Variants in SLC19A3 observed in about 807,000 individuals in gnomAD.
The protein encoded by SLC19A3 is thiamine transporter 2.
SLC19A3 carries 31 observed loss-of-function variants against 40.2 expected under a neutral mutation model. The observed-to-expected ratio is 0.77, with a 90% CI of 0.58 to 1.04. The LOEUF (loss-of-function observed/expected upper bound fraction) is 1.04. Ranked by LOEUF, SLC19A3 falls within the 50% of genes least tolerant of loss-of-function variation. SLC19A3 has a pLI of 0.00. For synonymous variants in SLC19A3, 212 were observed against 227.5 expected (o/e 0.93, Z 0.61); for missense variants, 592 against 596.7 (o/e 0.99, Z 0.08).
intron 1 of SLC19A3, among the ~76,000 whole-genome samples, chr2:227,710,318 A>G (rs1443847162): frequency 6.6e-6 from 1 of 152,198 alleles, no homozygotes; most frequent in African/African-American, 2.4e-5. Flanking sequence ...ATAGGCTAGA[A>G]CTTTACTGCA....
At chr2:227,698,670 G>A (rs1695538119) in intron 3 of SLC19A3, 66 bp downstream of exon 3, 4 of 1,384,572 alleles carry the variant, frequency 2.9e-6, no homozygotes, top group South Asian at 1.2e-5. Flanking sequence ...CATGAAGTTC[G>A]GTACCTGGAG....
At chr2:227,711,419 C>CAAAAAA (rs140919791) in intron 1 of SLC19A3, among the ~76,000 whole-genome samples, 7 of 97,506 alleles carry the variant, frequency 7.2e-5, no homozygotes, top group Admixed American at 3.3e-4. Flanking sequence ...GACTCTGTCT[C>CAAAAAA]AAAAAAATAA....
At position 227,703,843 on chromosome 2, in the gene SLC19A3, T is replaced by C. The variant is rs986864523; in HGVS notation, c.-2-1523A>G. Among the ~76,000 whole-genome samples, 1 of 152,210 alleles carries C rather than the reference T, an allele frequency of 6.6e-6. No individual in the cohort carries two copies. Among genetic ancestry groups the C allele is most frequent in the Non-Finnish European group, 1.5e-5 (1 of 68,044 alleles). On this transcript the variant is annotated intron_variant, in intron 1 of 5. Coordinates refer to ENST00000644224, the MANE Select transcript of SLC19A3 (RefSeq NM_025243.4). The surrounding 1 kb of genome is among the most constrained non-coding windows in gnomAD (Gnocchi z 4.7). ...TTTGTTCTCTAAATCCAGGTCATCA[T>C]CTTCTCTGTGCATCTGAGACCTAGG...
At chr2:227,697,698 A>T (rs1695490882) in intron 3 of SLC19A3, among the ~76,000 whole-genome samples, 2 of 152,342 alleles carry the variant, frequency 1.3e-5, no homozygotes, top group Middle Eastern at 3.4e-3. Context: ...AGGGCATGTT[A>T]TTAACCTTTG....
At chr2:227,707,099 T>TGTC (rs1026779267) in intron 1 of SLC19A3, among the ~76,000 whole-genome samples, 11 of 152,286 alleles carry the variant, frequency 7.2e-5, no homozygotes, top group African/African-American at 2.2e-4. Flanking sequence ...AGAGTGCACT[T>TGTC]GTCCCCTGAC....
intron 2 of SLC19A3, 22 bp downstream of exon 2, chr2:227,702,147 A>G (rs777385177): frequency 2.5e-6 from 4 of 1,599,724 alleles, no homozygotes; most frequent in Non-Finnish European, 1.7e-6. Context: ...CCACATTAAG[A>G]TATGTATGTA....
At position 227,687,333 on chromosome 2, in the gene SLC19A3, T is replaced by C. The variant is rs1044966154; in HGVS notation, c.*64A>G. ...GTTATGGCAAAACATATGCCACCCA[T>C]CTCAAAATCTTTCCTTATTATTGCA... On this transcript the variant is annotated 3_prime_UTR_variant, in exon 6 of 6. Coordinates refer to ENST00000644224, the MANE Select transcript of SLC19A3 (RefSeq NM_025243.4). 5 of 1,491,980 alleles carry C rather than the reference T, an allele frequency of 3.4e-6. No individual in the cohort carries two copies. In the East Asian group the frequency reaches 9.1e-5, roughly 27 times the overall value. The allele number at this position is 1,491,980 out of a possible 1,614,324, so 92.4% of individuals were successfully genotyped here.
At position 227,685,553 on chromosome 2, in the gene SLC19A3, C is replaced by G. The variant is rs1305339424; in HGVS notation, c.*1844G>C. ...GTGAGATTTGGTGGGGACACAGATC[C>G]AAACCATATCAAAATCCAATTAAAA... On this transcript the variant is annotated 3_prime_UTR_variant, in exon 6 of 6. Coordinates refer to ENST00000644224, the MANE Select transcript of SLC19A3 (RefSeq NM_025243.4). 1 of 152,180 alleles carries G rather than the reference C, an allele frequency of 6.6e-6. No homozygotes were observed. The highest frequency in any genetic ancestry group is 6.5e-5 in the Admixed American group (1 of 15,270). The allele number at this position is 152,180 out of a possible 1,614,324, so 9.4% of individuals were successfully genotyped here.
intron 5 of SLC19A3, 129 bp downstream of exon 5, chr2:227,688,037 A>T: frequency 9.9e-7 from 1 of 1,013,760 alleles, no homozygotes; most frequent in African/African-American, 1.6e-5. Flanking sequence ...GTGTTATAAT[A>T]TGATAATGAA....
intron 1 of SLC19A3, among the ~76,000 whole-genome samples, chr2:227,713,981 G>A (rs148489811): frequency 4.1e-4 from 62 of 152,250 alleles, no homozygotes; most frequent in African/African-American, 1.5e-3. Flanking sequence ...TCTTGGAGGT[G>A]GGGGTGGGTA....
intron 1 of SLC19A3, among the ~76,000 whole-genome samples, chr2:227,712,212 T>C (rs1696167744): frequency 6.6e-6 from 1 of 152,034 alleles, no homozygotes; most frequent in Non-Finnish European, 1.5e-5. Flanking sequence ...AAGACCAGCC[T>C]GGACAACACC....
intron 1 of SLC19A3, among the ~76,000 whole-genome samples, chr2:227,704,747 C>T (rs1352191573): frequency 6.6e-6 from 1 of 152,086 alleles, no homozygotes; most frequent in Non-Finnish European, 1.5e-5. Context: ...GTGATCACAC[C>T]ACTGCACTCC....
At chr2:227,706,628 G>A (rs7559871) in intron 1 of SLC19A3, 37,883 of 255,328 alleles carry the variant, frequency 0.15, 3,600 homozygotes, top group African/African-American at 0.29. Context: ...AAAATTAGTC[G>A]GTTGCGGTGG....
intron 2 of SLC19A3, among the ~76,000 whole-genome samples, chr2:227,700,220 A>G (rs1206662190): frequency 6.6e-6 from 1 of 151,938 alleles, no homozygotes; most frequent in East Asian, 1.9e-4. Flanking sequence ...TTGAATATTA[A>G]CATTAGACAA....
chr2:227,717,409 A>G (rs1696370912), intron 1 of SLC19A3, among the ~76,000 whole-genome samples: 1 of 152,214 alleles, frequency 6.6e-6, no homozygotes, highest in Admixed American at 6.5e-5. Context: ...TTTGGTAAAC[A>G]GCTGTCACAC....
At position 227,703,465 on chromosome 2, in the gene SLC19A3, G is replaced by C. The variant is rs1478680642; in HGVS notation, c.-2-1145C>G. On this transcript the variant is annotated intron_variant, in intron 1 of 5. Transcript: ENST00000644224. The surrounding 1 kb of genome is among the most constrained non-coding windows in gnomAD (Gnocchi z 4.7). The stretch of plus-strand genomic sequence containing the variant: ...TCTTAAGTTCAATAGGGTAAACACT[G>C]TTTATGTCAACAAAGCCCTTGATTA... 6.6e-6 allele frequency among the ~76,000 whole-genome samples: 1 copy of C among 152,136 alleles called. No homozygotes were observed. Among genetic ancestry groups the C allele is most frequent in the African/African-American group, 2.4e-5 (1 of 41,440 alleles).
chr2:227,692,711 G>A (rs898975878), intron 4 of SLC19A3, among the ~76,000 whole-genome samples: 4 of 152,092 alleles, frequency 2.6e-5, no homozygotes, highest in African/African-American at 9.7e-5. Context: ...AGAGCAATCA[G>A]ACAAGAGAAA....
At position 227,700,920 on chromosome 2, in the gene SLC19A3, C is replaced by T. The variant is rs151020575; in HGVS notation, c.150+1249G>A. The T allele has an allele frequency of 2.2e-4, 289 of 1,299,300 alleles. 4 individuals are homozygous for T. The East Asian group carries it at 9.8e-3, about 44-fold the overall frequency. The allele number at this position is 1,299,300 out of a possible 1,614,324, so 80.5% of individuals were successfully genotyped here. ...ATCACTGAACGTACCCACCTTGACACCTGGATCACTGAGGTTGCTGGAGAA... is the reference window on the plus strand; with the variant it reads ...ATCACTGAACGTACCCACCTTGACATCTGGATCACTGAGGTTGCTGGAGAA... On this transcript the variant is annotated intron_variant, in intron 2 of 5. Transcript: ENST00000644224.
At position 227,715,001 on chromosome 2, in the gene SLC19A3, G is replaced by A. The variant is rs192113220; in HGVS notation, c.-3+2942C>T. On this transcript the variant is annotated intron_variant, in intron 1 of 5. Coordinates refer to ENST00000644224, the MANE Select transcript of SLC19A3 (RefSeq NM_025243.4). ...GGCCTGGCTAATTTTTGTATTTTTA[G>A]TAGAGACAGGGTTTTGCCTTGTTGG... Among the ~76,000 whole-genome samples, 4 of 151,832 alleles carry A rather than the reference G, an allele frequency of 2.6e-5. No homozygotes were observed. The East Asian group carries it at 7.8e-4, about 29-fold the overall frequency.
Sources: gnomAD v4.1 joint callset for allele counts (sites outside exome capture counted in the v4.1 genomes callset) on GRCh38, gnomAD v4.1.1 for gene constraint, Gnocchi (gnomAD v3.1) non-coding constraint, MANE v1.5 for transcripts, NCBI Gene and HGNC (gene_info 2026-07-23, HGNC 2026-07-21) for gene names.